The following TMTC1 variants were observed in gnomAD, a reference collection of about 807,000 sequenced individuals.
TMTC1 encodes the protein protein O-mannosyl-transferase TMTC1.
Under a neutral mutation model 104.8 loss-of-function variants are expected in TMTC1, and 73 were observed. That is an observed-to-expected ratio of 0.70 (90% CI 0.58 to 0.85). TMTC1 has a LOEUF of 0.85. Ranked by LOEUF, TMTC1 falls within the 40% of genes least tolerant of loss-of-function variation. The pLI, the probability that TMTC1 is intolerant of heterozygous loss-of-function variation, is 0.00. For synonymous variants in TMTC1, 434 were observed against 428.7 expected, an observed-to-expected ratio of 1.01 and a Z score of -0.15; for missense variants, 1,035 against 1,096.1, an observed-to-expected ratio of 0.94 and a Z score of 0.79.
chr12:29,722,365 G>T (rs1038898692), intron 5 of TMTC1, among the ~76,000 whole-genome samples: 1 of 152,098 alleles, frequency 6.6e-6, no homozygotes, highest in African/African-American at 2.4e-5. Context: ...CTAAACACAT[G>T]TTAAAGATTT....
At position 29,520,612 on chromosome 12, in the gene TMTC1, A is replaced by G. The variant is rs762595577; in HGVS notation, c.1888+6T>C. 6.2e-7 allele frequency: 1 copy of G among 1,603,520 alleles called. No homozygotes were observed. The highest frequency in any genetic ancestry group is 8.5e-7 in the Non-Finnish European group (1 of 1,172,510). The stretch of plus-strand genomic sequence containing the variant: ...AGCAGTACAGTTTCTCTTTAATTTC[A>G]CTTACCAGTATCAACTAAGAAAACC... On this transcript the variant is annotated splice_donor_region_variant and intron_variant, in intron 12 of 17. Transcript: ENST00000539277.
chr12:29,747,193 G>T (rs1942975537), intron 5 of TMTC1, among the ~76,000 whole-genome samples: 1 of 152,162 alleles, frequency 6.6e-6, no homozygotes, highest in Admixed American at 6.5e-5. Flanking sequence ...ATTTCATTTA[G>T]AATTCACTGG....
intron 5 of TMTC1, among the ~76,000 whole-genome samples, chr12:29,671,779 T>G (rs1196212650): frequency 6.6e-6 from 1 of 152,082 alleles, no homozygotes; most frequent in East Asian, 1.9e-4. Context: ...GAGGGGTGCA[T>G]GTGATCAAGT....
chr12:29,695,431 T>G (rs1376436265), intron 5 of TMTC1, among the ~76,000 whole-genome samples: 1 of 152,026 alleles, frequency 6.6e-6, no homozygotes, highest in Admixed American at 6.6e-5. Flanking sequence ...CTCAGACTCC[T>G]GAGTAGCGGG....
chr12:29,669,121 A>T (rs1032305342), intron 5 of TMTC1, among the ~76,000 whole-genome samples: 2 of 9,446 alleles, frequency 2.1e-4, no homozygotes, highest in African/African-American at 6.3e-3. Flanking sequence ...TCCAAGTGAC[A>T]AATGTAGCTG....
intron 6 of TMTC1, among the ~76,000 whole-genome samples, chr12:29,605,078 GTA>G (rs1412891568): frequency 6.6e-6 from 1 of 151,738 alleles, no homozygotes; most frequent in Non-Finnish European, 1.5e-5. Flanking sequence ...TGTATTTATG[GTA>G]TAGACACATT....
intron 8 of TMTC1, among the ~76,000 whole-genome samples, chr12:29,577,962 C>A (rs1945869815): frequency 6.6e-6 from 1 of 151,966 alleles, no homozygotes. Context: ...CTTTTTCTAT[C>A]TAGAACTAAA....
At chr12:29,730,011 T>C (rs1195981855) in intron 5 of TMTC1, among the ~76,000 whole-genome samples, 1 of 152,138 alleles carries the variant, frequency 6.6e-6, no homozygotes, top group Non-Finnish European at 1.5e-5. Flanking sequence ...AGCCTGCTGA[T>C]TACATATAGC....
intron 5 of TMTC1, among the ~76,000 whole-genome samples, chr12:29,642,145 C>A (rs184725233): frequency 6.6e-6 from 1 of 152,132 alleles, no homozygotes; most frequent in East Asian, 1.9e-4. Context: ...GAAGAGGATT[C>A]TAAAAGCTTG....
At chr12:29,665,973 C>T (rs1940260550) in intron 5 of TMTC1, among the ~76,000 whole-genome samples, 1 of 151,990 alleles carries the variant, frequency 6.6e-6, no homozygotes, top group Non-Finnish European at 1.5e-5. Context: ...TGCTCACTGG[C>T]TATAAATTCC....
chr12:29,528,943 G>A (rs1944423754), intron 11 of TMTC1, among the ~76,000 whole-genome samples: 1 of 151,994 alleles, frequency 6.6e-6, no homozygotes. Context: ...AGTGGCATTA[G>A]TTTATATTTT....
chr12:29,745,634 A>G (rs1302290851), intron 5 of TMTC1, among the ~76,000 whole-genome samples: 2 of 151,584 alleles, frequency 1.3e-5, no homozygotes, highest in Admixed American at 6.6e-5. Context: ...AAAAAAAAAA[A>G]AAAAAGAAAG....
intron 5 of TMTC1, among the ~76,000 whole-genome samples, chr12:29,729,439 G>A (rs1045166256): frequency 1.3e-5 from 2 of 151,970 alleles, no homozygotes; most frequent in Non-Finnish European, 2.9e-5. Flanking sequence ...CATGCACGAG[G>A]GGGAACCTGG....
Position 29,758,795 on chromosome 12 carries a change from T to TA in TMTC1, c.481-19dup. ...CCAGCCACCTTGGAAGTTAAAATAA[T>TA]AAAAAATGAAACTTCAGACAATTAC... On this transcript the variant is annotated intron_variant, in intron 2 of 17. Transcript: ENST00000539277. The TA allele has an allele frequency of 1.3e-6, 2 of 1,583,566 alleles. No individual in the cohort carries two copies. Among genetic ancestry groups the TA allele is most frequent in the South Asian group, 1.2e-5 (1 of 86,274 alleles).
chr12:29,783,322 G>C lies in TMTC1; in HGVS notation c.302+128C>G. On this transcript the variant is annotated intron_variant, in intron 1 of 17. Transcript: ENST00000539277. The surrounding 1 kb of genome is among the most constrained non-coding windows in gnomAD (Gnocchi z 4.7). ...AGTGCCATGCACATCCTGGAGAGGA[G>C]GGAGGCGTGGAGGGAAAGGGCGGCA... 1.3e-6 allele frequency: 1 copy of C among 797,740 alleles called. No individual in the cohort carries two copies. 49.4% of individuals were successfully genotyped at this position (797,740 alleles called of 1,614,324 possible). A position where few individuals can be genotyped will look rare whatever the true frequency, so the allele number is the denominator to read the frequency against.
rs2136759730 is a variant in TMTC1, at chr12:29,692,052, C to G, written c.939-58716G>C. ...GCACATTGTGATATAAATGAATGAC[C>G]TCAGTAGACATTGTCATTACTCTCA... is the stretch of plus-strand genomic sequence containing the variant. On this transcript the variant is annotated intron_variant, in intron 5 of 17. Coordinates refer to ENST00000539277, the MANE Select transcript of TMTC1 (RefSeq NM_001193451.2). 1.4e-5 allele frequency among the ~76,000 whole-genome samples: 2 copies of G among 145,404 alleles called. 1 individual carries two copies. Among genetic ancestry groups the G allele is most frequent in the East Asian group, 4.6e-4 (2 of 4,364 alleles).
At chr12:29,553,807 T>C (rs1001575102) in intron 10 of TMTC1, among the ~76,000 whole-genome samples, 37 of 152,246 alleles carry the variant, frequency 2.4e-4, no homozygotes, top group African/African-American at 8.4e-4. Context: ...AAGATGAAAA[T>C]TGAAAAAGGA....
chr12:29,738,016 C>T lies in TMTC1; in HGVS notation c.938+13650G>A, dbSNP rs148772536. ...ATTATCCACTCCCTTTCTTCTCCAA[C>T]TGTAGAAGACTGACTATCTTCAGAT... On this transcript the variant is annotated intron_variant, in intron 5 of 17. Transcript: ENST00000539277. Among the ~76,000 whole-genome samples, 10 of 152,302 alleles carry T rather than the reference C, an allele frequency of 6.6e-5. No individual in the cohort carries two copies. The East Asian group carries it at 9.7e-4, about 15-fold the overall frequency.
intron 5 of TMTC1, among the ~76,000 whole-genome samples, chr12:29,642,205 G>C (rs1305367229): frequency 1.3e-5 from 2 of 152,318 alleles, no homozygotes; most frequent in Middle Eastern, 3.4e-3. Flanking sequence ...GTCCTTGCTA[G>C]AGATCTAGAC....
Sources: gnomAD v4.1 joint callset for allele counts (sites outside exome capture counted in the v4.1 genomes callset) on GRCh38, gnomAD v4.1.1 for gene constraint, Gnocchi (gnomAD v3.1) non-coding constraint, MANE v1.5 for transcripts, NCBI Gene and HGNC (gene_info 2026-07-23, HGNC 2026-07-21) for gene names.